RGS7: variants seen among roughly 807,000 people sequenced by gnomAD.
RGS7 encodes the protein regulator of G-protein signaling 7.
Under a neutral mutation model 81.1 loss-of-function variants are expected in RGS7, and 27 were observed. The ratio of observed to expected loss-of-function variants is 0.33; its 90% CI spans 0.25 to 0.46. The LOEUF (loss-of-function observed/expected upper bound fraction) is 0.46, where lower values mean the gene tolerates loss of function less well. RGS7 is among the 20% of genes least tolerant of loss of function. The probability of loss-of-function intolerance (pLI) is 1.00; values close to 1 mark genes in which losing one functional copy is unlikely to be tolerated. For missense variants in RGS7, 396 were observed against 607.4 expected, an observed-to-expected ratio of 0.65 and a Z score of 3.66; for synonymous variants, 208 against 207.7, an observed-to-expected ratio of 1.00 and a Z score of -0.01.
intron 2 of RGS7, among the ~76,000 whole-genome samples, chr1:241,172,482 T>C (rs1285022845): frequency 6.6e-6 from 1 of 152,184 alleles, no homozygotes; most frequent in African/African-American, 2.4e-5. Context: ...GAAACAGCTA[T>C]TGGAATTTAT....
At chr1:241,278,885 A>G (rs1172760319) in intron 2 of RGS7, among the ~76,000 whole-genome samples, 1 of 152,320 alleles carries the variant, frequency 6.6e-6, no homozygotes, top group East Asian at 1.9e-4. Flanking sequence ...TCCACTGAAA[A>G]TAAATCTTAT....
In RGS7 at chr1:241,312,980, T is replaced by A. The variant is rs543904118; in HGVS notation, c.78+42719A>T. Among the ~76,000 whole-genome samples, 36 of 151,966 alleles carry A rather than the reference T, an allele frequency of 2.4e-4. No homozygotes were observed. The South Asian group carries it at 7.3e-3, about 31-fold the overall frequency. On this transcript the variant is annotated intron_variant, in intron 2 of 18. Coordinates refer to ENST00000440928, the MANE Select transcript of RGS7 (RefSeq NM_001364886.1). ...ATGGAGAAAGTTTTTGTGGTCTGGATAGATGATCAAACCCGCCACAACATT... is the reference window on the plus strand; with the variant it reads ...ATGGAGAAAGTTTTTGTGGTCTGGAAAGATGATCAAACCCGCCACAACATT...
At chr1:241,062,885 T>TA (rs2061820657) in intron 3 of RGS7, among the ~76,000 whole-genome samples, 1 of 152,216 alleles carries the variant, frequency 6.6e-6, no homozygotes, top group South Asian at 2.1e-4. Context: ...TTTACTTCGT[T>TA]AACTCTTCCT....
chr1:241,078,564 AG>A (rs1356932475), intron 3 of RGS7, among the ~76,000 whole-genome samples: 2 of 151,504 alleles, frequency 1.3e-5, no homozygotes, highest in African/African-American at 2.4e-5. Context: ...GTTTAGATTC[AG>A]GGGGTACATG....
At chr1:240,811,571 G>A (rs1432630421) in intron 14 of RGS7, among the ~76,000 whole-genome samples, 2 of 152,176 alleles carry the variant, frequency 1.3e-5, no homozygotes, top group Non-Finnish European at 2.9e-5. Context: ...ACAAATAGGT[G>A]ATATTTTAAT....
chr1:240,795,115 C>T (rs535972206), intron 18 of RGS7, among the ~76,000 whole-genome samples: 8 of 151,114 alleles, frequency 5.3e-5, no homozygotes, highest in South Asian at 4.2e-4. Flanking sequence ...ACCTGGGAGG[C>T]GGAGGTTGCA....
chr1:241,165,893 C>T (rs1396137010), intron 2 of RGS7, among the ~76,000 whole-genome samples: 4 of 151,998 alleles, frequency 2.6e-5, no homozygotes, highest in Non-Finnish European at 4.4e-5. Flanking sequence ...AAAATTTGGC[C>T]CCCAGATCAG....
intron 3 of RGS7, among the ~76,000 whole-genome samples, chr1:241,011,744 C>G (rs2058966687): frequency 6.6e-6 from 1 of 152,106 alleles, no homozygotes; most frequent in Admixed American, 6.6e-5. Flanking sequence ...CAGAAGCATT[C>G]TTAATTTTGC....
chr1:241,300,923 G>A (rs2079714880), intron 2 of RGS7, among the ~76,000 whole-genome samples: 1 of 152,186 alleles, frequency 6.6e-6, no homozygotes, highest in South Asian at 2.1e-4. Context: ...CCAACATTCA[G>A]CGTTGTCAGT....
chr1:241,052,586 C>T (rs1304667872), intron 3 of RGS7, among the ~76,000 whole-genome samples: 1 of 152,136 alleles, frequency 6.6e-6, no homozygotes, highest in South Asian at 2.1e-4. Flanking sequence ...AGCGAAATCA[C>T]TCCTCCCTCT....
chr1:240,890,214 G>A (rs1036747118), intron 6 of RGS7, among the ~76,000 whole-genome samples: 31 of 152,112 alleles, frequency 2.0e-4, no homozygotes, highest in Admixed American at 1.3e-3. Context: ...GGGCAGTGGC[G>A]CAATCTCGGC....
chr1:241,327,752 G>A (rs2081693594), intron 2 of RGS7, among the ~76,000 whole-genome samples: 1 of 152,180 alleles, frequency 6.6e-6, no homozygotes, highest in Admixed American at 6.5e-5. Context: ...AAGGTTTTAT[G>A]ACTATACATT....
intron 3 of RGS7, among the ~76,000 whole-genome samples, chr1:241,073,943 C>G (rs977229813): frequency 4.6e-5 from 7 of 151,472 alleles, no homozygotes; most frequent in Non-Finnish European, 8.8e-5. Flanking sequence ...CTTTGTTGCC[C>G]AGGCTGGAGT....
chr1:241,328,114 T>C (rs2081729244), intron 2 of RGS7, among the ~76,000 whole-genome samples: 1 of 152,182 alleles, frequency 6.6e-6, no homozygotes, highest in African/African-American at 2.4e-5. Flanking sequence ...AAATTTGGAA[T>C]GTAGATTTTG....
intron 2 of RGS7, among the ~76,000 whole-genome samples, chr1:241,306,799 A>C (rs1346524632): frequency 1.3e-5 from 2 of 151,838 alleles, no homozygotes; most frequent in African/African-American, 4.8e-5. Context: ...ACATGAACAC[A>C]CCCTCCTGTG....
intron 9 of RGS7, among the ~76,000 whole-genome samples, chr1:240,839,381 T>C (rs1270582554): frequency 1.3e-5 from 2 of 152,194 alleles, no homozygotes; most frequent in African/African-American, 4.8e-5. Context: ...TTAAGACTTT[T>C]TGAGTTTATT....
At chr1:241,112,915 C>T (rs1224512931) in intron 2 of RGS7, among the ~76,000 whole-genome samples, 1 of 152,192 alleles carries the variant, frequency 6.6e-6, no homozygotes, top group Non-Finnish European at 1.5e-5. Context: ...ACTTTTCTGA[C>T]TTGCCTTTTA....
chr1:241,147,780 T>TTTTTTATATATATATATATATATATA (rs1428939736), intron 2 of RGS7, among the ~76,000 whole-genome samples: 1 of 44,604 alleles, frequency 2.2e-5, no homozygotes, highest in Non-Finnish European at 4.5e-5. Context: ...AGATTAAGTT[T>TTTTTTATATATATATATATATATATA]TATATATATA....
intron 2 of RGS7, among the ~76,000 whole-genome samples, chr1:241,125,755 C>T (rs1163703569): frequency 3.3e-5 from 5 of 152,224 alleles, no homozygotes; most frequent in African/African-American, 1.2e-4. Context: ...TGTACAGAAG[C>T]AGCCTGGGGC....
Sources: gnomAD v4.1 joint callset for allele counts (sites outside exome capture counted in the v4.1 genomes callset) on GRCh38, gnomAD v4.1.1 for gene constraint, MANE v1.5 for transcripts, NCBI Gene and HGNC (gene_info 2026-07-23, HGNC 2026-07-21) for gene names.